Variants in ELAVL4 observed in about 807,000 individuals in gnomAD.
The protein encoded by ELAVL4 is ELAV-like protein 4.
ELAVL4 carries 1 observed loss-of-function variant against 35.6 expected under a neutral mutation model. That is an observed-to-expected ratio of 0.03 (90% confidence interval 0.01 to 0.13). ELAVL4 has a LOEUF of 0.13. Among genes scored for constraint, ELAVL4 ranks in the 10% least tolerant of loss-of-function variants. ELAVL4 has a pLI of 1.00. For synonymous variants in ELAVL4, 156 were observed against 171.0 expected, an observed-to-expected ratio of 0.91 and a Z score of 0.69; for missense variants, 267 against 464.9, an observed-to-expected ratio of 0.57 and a Z score of 3.91.
intron 2 of ELAVL4, 55 bp from the exon 3 acceptor site, chr1:50,177,034 T>C: frequency 2.1e-6 from 3 of 1,433,310 alleles, no homozygotes; most frequent in Non-Finnish European, 2.9e-6. Flanking sequence ...CTCTCTCTCT[T>C]TCTCTCTGTC....
At chr1:50,084,089 C>A (rs941499935) in intron 1 of ELAVL4, among the ~76,000 whole-genome samples, 2 of 152,114 alleles carry the variant, frequency 1.3e-5, no homozygotes, top group Non-Finnish European at 2.9e-5. Flanking sequence ...GCCATCAGGA[C>A]ATTTTTAAAA....
At chr1:50,091,959 C>T (rs761517686) in intron 1 of ELAVL4, among the ~76,000 whole-genome samples, 15 of 152,168 alleles carry the variant, frequency 9.9e-5, no homozygotes, top group Non-Finnish European at 1.6e-4. Context: ...TTCGCCTAGA[C>T]CACACAAGAT....
upstream of ELAVL4, among the ~76,000 whole-genome samples, chr1:50,102,234 C>T (rs1666020200): frequency 6.6e-6 from 1 of 151,500 alleles, no homozygotes; most frequent in African/African-American, 2.4e-5. Flanking sequence ...TGCGGTGAGC[C>T]GAGATGGCGC....
At chr1:50,109,778 A>T in intron 1 of ELAVL4, 3 of 769,880 alleles carry the variant, frequency 3.9e-6, no homozygotes, top group South Asian at 1.7e-5. Flanking sequence ...TCATGACCTC[A>T]TAAAAAAGAG....
intron 1 of ELAVL4, among the ~76,000 whole-genome samples, chr1:50,071,445 A>G (rs1402346523): frequency 6.6e-6 from 1 of 152,118 alleles, no homozygotes; most frequent in Non-Finnish European, 1.5e-5. Context: ...TATTTTTGCA[A>G]ATGTAGCCAA....
chr1:50,128,888 G>T lies in ELAVL4; in HGVS notation c.10-16069G>T, dbSNP rs917007154. On this transcript the variant is annotated intron_variant, in intron 1 of 6. Coordinates refer to ENST00000371824, the MANE Select transcript of ELAVL4 (RefSeq NM_001144774.3). ...CCAGAAGATGTCAGTTCAGATCCAG[G>T]CTCTGCACCATGTGAATATTGGCTA... Among the ~76,000 whole-genome samples, 43 of 152,046 alleles carry T rather than the reference G, an allele frequency of 2.8e-4. 1 individual carries two copies. The highest frequency in any genetic ancestry group is 3.2e-3 in the Middle Eastern group (1 of 316).
upstream of ELAVL4, among the ~76,000 whole-genome samples, chr1:50,099,331 C>T (rs1326358260): frequency 1.3e-5 from 2 of 152,030 alleles, no homozygotes; most frequent in South Asian, 2.1e-4. Context: ...GAGGCCGAGG[C>T]AGGTGGATCA....
At chr1:50,148,976 G>A (rs1674243392) in intron 2 of ELAVL4, among the ~76,000 whole-genome samples, 3 of 152,138 alleles carry the variant, frequency 2.0e-5, no homozygotes, top group Non-Finnish European at 1.5e-5. Context: ...AGGTGGCTCA[G>A]GGTATGTCTT....
intron 2 of ELAVL4, among the ~76,000 whole-genome samples, chr1:50,166,975 G>T (rs1286802202): frequency 6.6e-6 from 1 of 152,114 alleles, no homozygotes; most frequent in African/African-American, 2.4e-5. Context: ...AGCAGAACGT[G>T]GTGTTGCAGG....
intron 1 of ELAVL4, among the ~76,000 whole-genome samples, chr1:50,129,747 A>G (rs1330224128): frequency 6.6e-6 from 1 of 152,118 alleles, no homozygotes; most frequent in Non-Finnish European, 1.5e-5. Context: ...TTTCTATTTC[A>G]GAAATTAAAT....
chr1:50,143,856 G>A (rs1673236369), intron 1 of ELAVL4, among the ~76,000 whole-genome samples: 1 of 152,164 alleles, frequency 6.6e-6, no homozygotes, highest in Non-Finnish European at 1.5e-5. Flanking sequence ...CATCTCGAAT[G>A]TGAGTGTTGA....
At chr1:50,082,678 G>A (rs1386849971) in intron 1 of ELAVL4, among the ~76,000 whole-genome samples, 1 of 152,090 alleles carries the variant, frequency 6.6e-6, no homozygotes, top group African/African-American at 2.4e-5. Flanking sequence ...CTCATCTATT[G>A]TCTCCATTAG....
chr1:50,189,571 C>A (rs1049883919), intron 3 of ELAVL4, among the ~76,000 whole-genome samples: 10 of 152,188 alleles, frequency 6.6e-5, no homozygotes, highest in African/African-American at 2.4e-4. Context: ...GAGGGCAGTG[C>A]CTCTACAGGC....
At position 50,081,375 on chromosome 1, in the gene ELAVL4, G is replaced by A. The variant is rs139931070; in HGVS notation, c.18+33193G>A. Among the ~76,000 whole-genome samples, 132 of 152,272 alleles carry A rather than the reference G, an allele frequency of 8.7e-4. 2 individuals carry two copies. The East Asian group carries it at 0.022, about 26-fold the overall frequency. ...AGACAGGCCACATGTGATTAAGAGCGGTCTCTGGTGGATGAAGTGCTAGAT... is the reference window on the plus strand; with the variant it reads ...AGACAGGCCACATGTGATTAAGAGCAGTCTCTGGTGGATGAAGTGCTAGAT... On this transcript the variant is annotated intron_variant, in intron 1 of 6. Coordinates refer to the ELAVL4 transcript ENST00000448907.
chr1:50,072,276 CT>C (rs1056200939), intron 1 of ELAVL4, among the ~76,000 whole-genome samples: 36 of 152,312 alleles, frequency 2.4e-4, no homozygotes, highest in Admixed American at 2.2e-3. Context: ...TATTTTCTTT[CT>C]CTATCAAATT....
At position 50,195,752 on chromosome 1, in the gene ELAVL4, C is replaced by G. The variant is rs1460314684; in HGVS notation, c.700C>G (p.Pro234Ala). The G allele has an allele frequency of 6.2e-7, 1 of 1,614,130 alleles. No individual in the cohort carries two copies. The highest frequency in any genetic ancestry group is 8.5e-7 in the Non-Finnish European group (1 of 1,179,982). ...CTACCAGTCCCCCAACCGGCGCTAC[C>G]CAGGTCCACTTCACCACCAGGCTCA... ...QLYQSPNRRY[P>A]GPLHHQAQRF... Residue 234 changes from proline to alanine, a missense_variant, in exon 5 of 7, where the codon CCA becomes GCA. Pro to Ala is a conservative substitution (Grantham distance 27). Around this residue, in one of 2 missense-constraint regions of ELAVL4, gnomAD observed 216 missense variants for 409.5 expected, o/e 0.53. Coordinates refer to ENST00000371824, the MANE Select transcript of ELAVL4 (RefSeq NM_001144774.3).
At chr1:50,196,945 G>C (rs924013173) in intron 5 of ELAVL4, among the ~76,000 whole-genome samples, 1 of 152,146 alleles carries the variant, frequency 6.6e-6, no homozygotes, top group Non-Finnish European at 1.5e-5. Flanking sequence ...AACTCCCCCT[G>C]CCTCCCAAAA....
chr1:50,095,905 G>A (rs566367457), intron 1 of ELAVL4, among the ~76,000 whole-genome samples: 1 of 152,318 alleles, frequency 6.6e-6, no homozygotes, highest in East Asian at 1.9e-4. Context: ...TGTTGAGTTT[G>A]AAGAGCAACT....
At chr1:50,089,849 C>A (rs1339067856) in intron 1 of ELAVL4, among the ~76,000 whole-genome samples, 1 of 152,122 alleles carries the variant, frequency 6.6e-6, no homozygotes, top group South Asian at 2.1e-4. Flanking sequence ...TCAGTGATAC[C>A]ATCAGGGGTG....
Sources: allele counts gnomAD v4.1 joint callset (sites outside exome capture counted in the v4.1 genomes callset), GRCh38; gene constraint gnomAD v4.1.1; regional missense constraint gnomAD v4.1.1; transcripts MANE v1.5; gene names NCBI Gene and HGNC (gene_info 2026-07-23, HGNC 2026-07-21).